The following SERGEF variants were observed in gnomAD, a reference collection of about 807,000 sequenced individuals.
The protein encoded by SERGEF is secretion regulating guanine nucleotide exchange factor, also known as secretion-regulating guanine nucleotide exchange factor.
Under a neutral mutation model 50.0 loss-of-function variants are expected in SERGEF, and 51 were observed. That is an observed-to-expected ratio of 1.02 (90% CI 0.81 to 1.29). The LOEUF is 1.29. Ranked by LOEUF, SERGEF falls within the 50% of genes most tolerant of loss-of-function variation. The pLI is 0.00. For missense variants in SERGEF, 521 were observed against 557.0 expected (o/e 0.94, Z 0.65); for synonymous variants, 205 against 212.4 (o/e 0.97, Z 0.30).
intron 8 of SERGEF, among the ~76,000 whole-genome samples, chr11:17,961,931 T>G (rs755567789): frequency 2.6e-5 from 4 of 152,230 alleles, no homozygotes; most frequent in African/African-American, 7.2e-5. Flanking sequence ...AGGTACCCAG[T>G]ACATTCATTG....
rs146588614 is a variant in SERGEF, at chr11:17,974,860, T to C, written c.844+13737A>G. On this transcript the variant is annotated intron_variant, in intron 8 of 10. Coordinates refer to ENST00000265965, the MANE Select transcript of SERGEF (RefSeq NM_012139.4). ...GTAACGTTTTAAAGTTTTAGCATTC[T>C]AAAAAAGGACATTGCTCTTATTTGT... is the stretch of plus-strand genomic sequence containing the variant. Among the ~76,000 whole-genome samples, 11 of 152,324 alleles carry C rather than the reference T, an allele frequency of 7.2e-5. No homozygotes were observed. In the East Asian group the frequency reaches 1.9e-3, roughly 27 times the overall value.
intron 10 of SERGEF, among the ~76,000 whole-genome samples, chr11:17,796,276 G>A (rs756525896): frequency 6.6e-6 from 1 of 152,218 alleles, no homozygotes; most frequent in African/African-American, 2.4e-5. Context: ...ATGGCTATGA[G>A]GATGATGGTC....
At chr11:17,940,444 G>C (rs988497307) in intron 9 of SERGEF, among the ~76,000 whole-genome samples, 2 of 152,026 alleles carry the variant, frequency 1.3e-5, no homozygotes, top group Admixed American at 1.3e-4. Flanking sequence ...ACAATAACAT[G>C]TACATAACTT....
At chr11:17,895,768 G>A (rs769200455) in intron 9 of SERGEF, among the ~76,000 whole-genome samples, 5 of 152,078 alleles carry the variant, frequency 3.3e-5, no homozygotes, top group Non-Finnish European at 5.9e-5. Context: ...CACTTAACAC[G>A]TGGTATATTC....
At chr11:17,899,777 AC>A (rs377228043) in intron 9 of SERGEF, among the ~76,000 whole-genome samples, 1 of 151,050 alleles carries the variant, frequency 6.6e-6, no homozygotes, top group Non-Finnish European at 1.5e-5. Context: ...ACATACTGAG[AC>A]CCCCCATCTC....
chr11:17,869,012 C>T (rs1851083670), intron 10 of SERGEF, among the ~76,000 whole-genome samples: 1 of 152,170 alleles, frequency 6.6e-6, no homozygotes, highest in Non-Finnish European at 1.5e-5. Context: ...TGGTCTCAAA[C>T]TCCTGGCCTT....
chr11:17,917,971 C>T (rs1006460579), intron 9 of SERGEF, among the ~76,000 whole-genome samples: 2 of 152,206 alleles, frequency 1.3e-5, no homozygotes, highest in African/African-American at 4.8e-5. Flanking sequence ...ACTTACTAGG[C>T]ACTGTCCTTT....
At chr11:17,938,291 C>T (rs1023551431) in intron 9 of SERGEF, among the ~76,000 whole-genome samples, 4 of 152,148 alleles carry the variant, frequency 2.6e-5, no homozygotes, top group African/African-American at 7.2e-5. Context: ...GTTTGGCCCA[C>T]CAAGTATTTT....
At chr11:17,805,476 G>T (rs1849742119) in intron 10 of SERGEF, among the ~76,000 whole-genome samples, 2 of 152,240 alleles carry the variant, frequency 1.3e-5, no homozygotes, top group Admixed American at 6.5e-5. Context: ...AGTCACTCAT[G>T]TGGAGTTTTA....
At chr11:18,000,403 C>G (rs549192609) in intron 5 of SERGEF, 94 bp downstream of exon 5, 1 of 795,252 alleles carries the variant, frequency 1.3e-6, no homozygotes, top group Non-Finnish European at 2.0e-6. Context: ...AAGCTATGAT[C>G]GAGCCACTGC....
At chr11:17,862,201 T>C (rs1439003635) in intron 10 of SERGEF, among the ~76,000 whole-genome samples, 1 of 152,190 alleles carries the variant, frequency 6.6e-6, no homozygotes, top group South Asian at 2.1e-4. Flanking sequence ...TTTCTCTTCT[T>C]CATACTCATC....
intron 10 of SERGEF, among the ~76,000 whole-genome samples, chr11:17,813,006 T>C (rs568409286): frequency 5.3e-5 from 8 of 152,310 alleles, no homozygotes; most frequent in African/African-American, 1.9e-4. Context: ...CTGTGTGCTC[T>C]TCCCTACTGT....
intron 9 of SERGEF, among the ~76,000 whole-genome samples, chr11:17,898,999 C>T (rs1013443479): frequency 6.6e-6 from 1 of 152,104 alleles, no homozygotes; most frequent in Admixed American, 6.5e-5. Context: ...AAGTATGTAG[C>T]ACCTCCTCCT....
intron 10 of SERGEF, among the ~76,000 whole-genome samples, chr11:17,834,755 T>G (rs1460195339): frequency 3.3e-5 from 5 of 152,254 alleles, no homozygotes; most frequent in African/African-American, 9.6e-5. Context: ...ATGTGTACTA[T>G]TCCTACCTTT....
intron 9 of SERGEF, among the ~76,000 whole-genome samples, chr11:17,902,910 A>G (rs11024428): frequency 0.075 from 11,379 of 152,244 alleles, 516 homozygotes; most frequent in African/African-American, 0.12. Context: ...TTCCTTCCTT[A>G]CACTAACAAG....
At chr11:17,899,988 C>G (rs1460820514) in intron 9 of SERGEF, among the ~76,000 whole-genome samples, 1 of 150,716 alleles carries the variant, frequency 6.6e-6, no homozygotes, top group Admixed American at 6.6e-5. Context: ...AATTAATGAA[C>G]ATGTACTATA....
intron 9 of SERGEF, among the ~76,000 whole-genome samples, chr11:17,881,571 T>C (rs945026084): frequency 6.6e-6 from 1 of 152,226 alleles, no homozygotes; most frequent in Non-Finnish European, 1.5e-5. Context: ...TGCAGGCAGC[T>C]TTCTAGAAGA....
intron 10 of SERGEF, among the ~76,000 whole-genome samples, chr11:17,838,893 C>T (rs1302808931): frequency 2.6e-5 from 4 of 152,140 alleles, no homozygotes. Context: ...GTCAGGCTGC[C>T]CCTTAGAAGA....
chr11:17,969,563 G>A (rs1038513493), intron 8 of SERGEF, among the ~76,000 whole-genome samples: 4 of 152,124 alleles, frequency 2.6e-5, no homozygotes, highest in Non-Finnish European at 5.9e-5. Context: ...AAGCCAAGCA[G>A]CAAGTCTAAT....
Sources: allele counts gnomAD v4.1 joint callset (sites outside exome capture counted in the v4.1 genomes callset), GRCh38; gene constraint gnomAD v4.1.1; transcripts MANE v1.5; gene names NCBI Gene and HGNC (gene_info 2026-07-23, HGNC 2026-07-21).